The following PODNL1 variants were observed in gnomAD, a reference collection of about 807,000 sequenced individuals.
PODNL1 encodes podocan like 1.
In PODNL1, 50 loss-of-function variants were observed where a neutral mutation model predicts 45.1. The ratio of observed to expected loss-of-function variants is 1.11; its 90% CI spans 0.88 to 1.40. PODNL1 has a LOEUF of 1.40. Ranked by LOEUF, PODNL1 falls within the 40% of genes most tolerant of loss-of-function variation. The pLI is 0.00. For synonymous variants in PODNL1, 406 were observed against 372.5 expected (o/e 1.09, Z -1.04); for missense variants, 788 against 793.3 (o/e 0.99, Z 0.08).
intron 5 of PODNL1, among the ~76,000 whole-genome samples, chr19:13,934,851 ATG>A (rs1568433619): frequency 1.3e-5 from 2 of 151,590 alleles, no homozygotes; most frequent in South Asian, 4.2e-4. Context: ...ATAAGTGTGC[ATG>A]TGATTGTGTG....
In PODNL1 at chr19:13,936,016, G is replaced by A; in HGVS notation, c.348C>T (p.Leu116=). 6.4e-7 allele frequency: 1 copy of A among 1,552,700 alleles called. No homozygotes were observed. Among genetic ancestry groups the A allele is most frequent in the Non-Finnish European group, 8.7e-7 (1 of 1,148,900 alleles). ...CCACGCAGAGGTGCTGCAGCTGGGT[G>A]AGGGACTCGAAGGCCTCGTCAGGCA... ...EGLPDEAFES[L]TQLQHLCVAH... is the part of the protein sequence containing the mutation. The change falls in exon 4 of 10, where the codon CTC becomes CTT. Residue 116 remains leucine (L), a synonymous_variant. Coordinates refer to ENST00000588872, the MANE Select transcript of PODNL1 (RefSeq NM_001370095.3).
rs1971979249 is a variant in PODNL1, at chr19:13,932,043, G to A, written c.1495C>T (p.His499Tyr). The change falls in exon 9 of 10, where the codon CAC (histidine) becomes TAC (tyrosine). Residue 499 changes from histidine to tyrosine, a missense_variant. By Grantham distance (83) the His-to-Tyr change is moderately conservative. Transcript: ENST00000588872. The part of the protein sequence containing the change: ...PDLPEALEEL[H>Y]LEGNRIGHVG... Reference sequence around the variant, plus strand: ...TGGCCGATGCGGTTGCCCTCGAGGTGCAGCTCCTCTAGGGCCTCAGGCAGG... The same window carrying A: ...TGGCCGATGCGGTTGCCCTCGAGGTACAGCTCCTCTAGGGCCTCAGGCAGG... The A allele has an allele frequency of 1.6e-6, 2 of 1,232,438 alleles. No individual in the cohort carries two copies. Among genetic ancestry groups the A allele is most frequent in the South Asian group, 4.1e-5 (1 of 24,332 alleles). 76.3% of individuals were successfully genotyped at this position (1,232,438 alleles called of 1,614,324 possible).
chr19:13,937,945 T>C lies in PODNL1; in HGVS notation c.65A>G (p.Asp22Gly). 6.5e-7 allele frequency: 1 copy of C among 1,546,902 alleles called. No individual in the cohort carries two copies. Among genetic ancestry groups the C allele is most frequent in the Non-Finnish European group, 8.7e-7 (1 of 1,143,648 alleles). ...PGPPPVAGLE[D>G]AAFPHLGESL... Reference sequence around the variant, plus strand: ...CTCCCCCAGGTGGGGGAAGGCAGCGTCTTCCAAGCCGGCGACGGGCGGGGG... The same window carrying C: ...CTCCCCCAGGTGGGGGAAGGCAGCGCCTTCCAAGCCGGCGACGGGCGGGGG... Residue 22 changes from aspartate to glycine, a missense_variant, in exon 2 of 10, where the codon GAC becomes GGC. Around this residue, in one of 3 missense-constraint regions of PODNL1, gnomAD observed 762 missense variants for 750.9 expected, o/e 1.01. Transcript: ENST00000588872.
At position 13,936,372 on chromosome 19, in the gene PODNL1, G is replaced by A. The variant is rs1256501789; in HGVS notation, c.314C>T (p.Ser105Phe). ...TLNLHNNLIS[S>F]EGLPDEAFES... ...GCCTCCCTCTGCCCCCTCACCTTCG[G>A]AGGAGATGAGGTTGTTGTGGAGGTT... Residue 105 changes from serine to phenylalanine, a missense_variant, in exon 3 of 10, where the codon TCC (serine) becomes TTC (phenylalanine). Around this residue, in one of 3 missense-constraint regions of PODNL1, gnomAD observed 762 missense variants for 750.9 expected, o/e 1.01. Transcript: ENST00000588872. 1 of 1,611,672 alleles carries A rather than the reference G, an allele frequency of 6.2e-7. No individual in the cohort carries two copies. The highest frequency in any genetic ancestry group is 1.3e-5 in the African/African-American group (1 of 74,940).
chr19:13,932,823 G>T lies in PODNL1; in HGVS notation c.1400C>A (p.Thr467Asn). The T allele has an allele frequency of 6.2e-7, 1 of 1,612,954 alleles. No homozygotes were observed. Among genetic ancestry groups the T allele is most frequent in the Non-Finnish European group, 8.5e-7 (1 of 1,179,998 alleles). ...RLRVGDIGPG[T>N]WHELQALQML... ...CTGGAGGGCTTGGAGCTCATGCCAGGTGCCTGGCCCGATGTCGCCGACCCG... is the reference window on the plus strand; with the variant it reads ...CTGGAGGGCTTGGAGCTCATGCCAGTTGCCTGGCCCGATGTCGCCGACCCG... The change falls in exon 8 of 10, where the codon ACC (threonine) becomes AAC (asparagine). Residue 467 changes from threonine (T) to asparagine (N), a missense_variant. Around this residue, in one of 3 missense-constraint regions of PODNL1, gnomAD observed 762 missense variants for 750.9 expected, o/e 1.01. Coordinates refer to ENST00000588872, the MANE Select transcript of PODNL1 (RefSeq NM_001370095.3).
chr19:13,953,068 T>G (rs745833918), intron 1 of PODNL1: 123 of 1,548,546 alleles, frequency 7.9e-5, no homozygotes, highest in Non-Finnish European at 1.0e-4. Context: ...CCGCCTGATG[T>G]TCCTCTCCCT....
At chr19:13,943,071 C>T (rs908940999), upstream of PODNL1, among the ~76,000 whole-genome samples, 12 of 151,428 alleles carry the variant, frequency 7.9e-5, no homozygotes, top group Admixed American at 6.6e-5. Context: ...CTGAGGCAGG[C>T]GGATCACCTG....
At chr19:13,952,587 G>A (rs1412344127) in intron 1 of PODNL1, 4 of 1,266,204 alleles carry the variant, frequency 3.2e-6, no homozygotes, top group East Asian at 6.3e-5. Context: ...GAGCCGGAGG[G>A]AAGCGGGCAG....
chr19:13,948,117 A>G (rs1393019399), intron 1 of PODNL1, among the ~76,000 whole-genome samples: 1 of 152,058 alleles, frequency 6.6e-6, no homozygotes, highest in Non-Finnish European at 1.5e-5. Context: ...CACTCAAGCC[A>G]TCTCCTGCCT....
intron 1 of PODNL1, among the ~76,000 whole-genome samples, chr19:13,945,948 C>G (rs566391567): frequency 6.6e-6 from 1 of 151,772 alleles, no homozygotes; most frequent in Admixed American, 6.6e-5. Context: ...GTAGTTCCAG[C>G]TCCTTGGGAG....
At chr19:13,934,590 A>C (rs2145419882) in intron 5 of PODNL1, among the ~76,000 whole-genome samples, 180 bp from the exon 6 acceptor site, 1 of 150,782 alleles carries the variant, frequency 6.6e-6, no homozygotes, top group Admixed American at 6.6e-5. Context: ...GACTGTGCGT[A>C]GGTGTGCAGG....
chr19:13,941,614 C>T (rs1972658508), upstream of PODNL1, among the ~76,000 whole-genome samples: 1 of 152,066 alleles, frequency 6.6e-6, no homozygotes, highest in African/African-American at 2.4e-5. Flanking sequence ...AGTTCGAGAC[C>T]ATCCTGGCCA....
Position 13,949,053 on chromosome 19 carries a change from G to A in PODNL1, c.18+4066C>T, listed in dbSNP as rs1354249183. Among the ~76,000 whole-genome samples, 5 of 151,662 alleles carry A rather than the reference G, an allele frequency of 3.3e-5. No homozygotes were observed. In the East Asian group the frequency reaches 5.8e-4, roughly 18 times the overall value. On this transcript the variant is annotated intron_variant, in intron 1 of 7. Transcript: ENST00000538371. ...TGTGTCACTGAAACCTCTGCCTCCC[G>A]GGTTCAAGCGATTCTCATGCCTCAG...
upstream of PODNL1, among the ~76,000 whole-genome samples, chr19:13,940,688 GC>G (rs1972629550): frequency 1.3e-5 from 2 of 150,686 alleles, no homozygotes; most frequent in South Asian, 4.2e-4. Context: ...TTCGAGACCA[GC>G]CTGGCCAACA....
chr19:13,937,932 G>T lies in PODNL1; in HGVS notation c.78C>A (p.Pro26=). The part of the protein sequence containing the change: ...PVAGLEDAAF[P]HLGESLQPLP... The stretch of plus-strand genomic sequence containing the variant: ...GGGGCTGCAAGCTCTCCCCCAGGTG[G>T]GGGAAGGCAGCGTCTTCCAAGCCGG... Residue 26 remains proline (P), a synonymous_variant, in exon 2 of 10, where the codon CCC becomes CCA. Transcript: ENST00000588872. 1 of 1,551,496 alleles carries T rather than the reference G, an allele frequency of 6.4e-7. No homozygotes were observed.
intron 5 of PODNL1, among the ~76,000 whole-genome samples, chr19:13,934,836 TG>T (rs1449783815): frequency 1.3e-5 from 2 of 152,024 alleles, no homozygotes; most frequent in African/African-American, 2.4e-5. Context: ...TGTGCATGCC[TG>T]TGCATAAGTG....
At chr19:13,943,857 T>C (rs936634177) in intron 1 of PODNL1, among the ~76,000 whole-genome samples, 1 of 152,126 alleles carries the variant, frequency 6.6e-6, no homozygotes, top group Non-Finnish European at 1.5e-5. Context: ...TTAACTGAAT[T>C]ACATCGCAAA....
intron 5 of PODNL1, 129 bp from the exon 6 acceptor site, chr19:13,934,539 G>A: frequency 1.1e-6 from 1 of 899,898 alleles, no homozygotes; most frequent in Non-Finnish European, 1.6e-6. Flanking sequence ...GCGCGCATGT[G>A]TGGAGTCTGT....
At chr19:13,940,657 C>T (rs1313631968), upstream of PODNL1, among the ~76,000 whole-genome samples, 1 of 149,566 alleles carries the variant, frequency 6.7e-6, no homozygotes, top group Non-Finnish European at 1.5e-5. Flanking sequence ...CCGAGGTGGG[C>T]AGATCAGCTG....
Sources: allele counts gnomAD v4.1 joint callset (sites outside exome capture counted in the v4.1 genomes callset), GRCh38; gene constraint gnomAD v4.1.1; regional missense constraint gnomAD v4.1.1; transcripts MANE v1.5; gene names NCBI Gene and HGNC (gene_info 2026-07-23, HGNC 2026-07-21).